FLNB: variants seen among roughly 807,000 people sequenced by gnomAD.
The protein encoded by FLNB is filamin-B.
In FLNB, 111 loss-of-function variants were observed where a neutral mutation model predicts 250.6. The ratio of observed to expected loss-of-function variants is 0.44; its 90% confidence interval spans 0.38 to 0.52. FLNB has a LOEUF of 0.52. FLNB is among the 20% of genes least tolerant of loss of function. The probability of loss-of-function intolerance (pLI) is 0.00; values close to 1 mark genes in which losing one functional copy is unlikely to be tolerated. For missense variants in FLNB, 2,869 were observed against 3,447.8 expected (o/e 0.83, Z 4.20); for synonymous variants, 1,302 against 1,372.1 (o/e 0.95, Z 1.13).
At chr3:58,136,244 C>T in intron 28 of FLNB, 76 bp downstream of exon 28, 1 of 1,451,726 alleles carries the variant, frequency 6.9e-7, no homozygotes, top group Non-Finnish European at 9.6e-7. Flanking sequence ...TTCTCTGTGA[C>T]TTACAAGCTA....
intron 42 of FLNB, among the ~76,000 whole-genome samples, chr3:58,162,365 T>C (rs1242475089): frequency 2.0e-5 from 3 of 152,130 alleles, no homozygotes; most frequent in Non-Finnish European, 4.4e-5. Context: ...ATGTTCTAGG[T>C]GCCCACTTCA....
chr3:58,166,031 TTA>T (rs1214103314), intron 43 of FLNB: 3 of 152,104 alleles, frequency 2.0e-5, no homozygotes, highest in African/African-American at 7.2e-5. Flanking sequence ...TGGACAGACT[TTA>T]TGTTTAAATC....
intron 1 of FLNB, among the ~76,000 whole-genome samples, chr3:58,067,724 G>C (rs1436701131): frequency 6.6e-6 from 1 of 151,822 alleles, no homozygotes; most frequent in Non-Finnish European, 1.5e-5. Context: ...AGCCTCCTGA[G>C]TAGCTGGGGT....
chr3:58,055,276 A>G (rs940816206), intron 1 of FLNB, among the ~76,000 whole-genome samples: 1 of 151,964 alleles, frequency 6.6e-6, no homozygotes, highest in Non-Finnish European at 1.5e-5. Context: ...TCAAAAAAAA[A>G]AAACTTACTC....
At position 58,170,557 on chromosome 3, in the gene FLNB, C is replaced by A. The variant is rs768906529; in HGVS notation, c.7622-18C>A. 6.2e-7 allele frequency: 1 copy of A among 1,613,660 alleles called. No homozygotes were observed. On this transcript the variant is annotated intron_variant, in intron 45 of 45. Coordinates refer to ENST00000295956, the MANE Select transcript of FLNB (RefSeq NM_001457.4). ...GTCCTGATGCATCCGGGTGGAGTAACCACCTTTTGCCTCCTAGGCTCCAAC... is the reference window on the plus strand; with the variant it reads ...GTCCTGATGCATCCGGGTGGAGTAAACACCTTTTGCCTCCTAGGCTCCAAC...
intron 18 of FLNB, among the ~76,000 whole-genome samples, chr3:58,112,677 G>A (rs1291984994): frequency 2.8e-4 from 43 of 152,118 alleles, no homozygotes; most frequent in Admixed American, 2.8e-3. Context: ...ACACACACAC[G>A]TGCATTCCCT....
intron 1 of FLNB, among the ~76,000 whole-genome samples, chr3:58,048,443 G>A (rs778137919): frequency 2.0e-5 from 3 of 152,180 alleles, no homozygotes; most frequent in Non-Finnish European, 4.4e-5. Context: ...CACATTCTAG[G>A]TCTGTCTGTT....
intron 41 of FLNB, among the ~76,000 whole-genome samples, chr3:58,156,472 A>G (rs978925501): frequency 6.6e-6 from 1 of 152,218 alleles, no homozygotes; most frequent in Non-Finnish European, 1.5e-5. Context: ...TTCTTCAAGA[A>G]AGTCAGTTGC....
chr3:58,108,894 T>A (rs1287950555), intron 13 of FLNB, among the ~76,000 whole-genome samples: 3 of 152,226 alleles, frequency 2.0e-5, no homozygotes, highest in Non-Finnish European at 4.4e-5. Flanking sequence ...AAAGTATGTT[T>A]ATTTAATCTA....
chr3:58,100,851 G>A (rs984506299), intron 8 of FLNB, among the ~76,000 whole-genome samples: 5 of 151,128 alleles, frequency 3.3e-5, no homozygotes, highest in Non-Finnish European at 5.9e-5. Flanking sequence ...CACCTGCCTC[G>A]GCCTCCCAAA....
chr3:58,031,759 G>T (rs1268088623), intron 1 of FLNB, among the ~76,000 whole-genome samples: 1 of 151,584 alleles, frequency 6.6e-6, no homozygotes, highest in African/African-American at 2.4e-5. Context: ...GCCCAGGCTG[G>T]TCTCGAACCC....
At chr3:58,139,315 C>T (rs1173629427) in intron 29 of FLNB, among the ~76,000 whole-genome samples, 2 of 152,178 alleles carry the variant, frequency 1.3e-5, no homozygotes, top group African/African-American at 4.8e-5. Context: ...AGACAGACAC[C>T]AAATACCATG....
At chr3:58,090,847 G>T (rs564167741) in intron 4 of FLNB, among the ~76,000 whole-genome samples, 5 of 152,062 alleles carry the variant, frequency 3.3e-5, no homozygotes, top group African/African-American at 4.8e-5. Flanking sequence ...CGAGGTGGGC[G>T]ATGGGCGGAT....
chr3:58,131,429 A>G (rs763882183), intron 25 of FLNB, among the ~76,000 whole-genome samples: 2 of 152,204 alleles, frequency 1.3e-5, no homozygotes, highest in Admixed American at 6.5e-5. Context: ...CCTTGTTGGC[A>G]GCTTGGAACT....
At chr3:58,056,446 A>G (rs1238178561) in intron 1 of FLNB, among the ~76,000 whole-genome samples, 1 of 152,008 alleles carries the variant, frequency 6.6e-6, no homozygotes, top group Non-Finnish European at 1.5e-5. Flanking sequence ...AGCCTATCAT[A>G]TCAAATACAA....
intron 26 of FLNB, among the ~76,000 whole-genome samples, chr3:58,133,446 A>G (rs968189494): frequency 6.7e-6 from 1 of 148,758 alleles, no homozygotes; most frequent in Non-Finnish European, 1.5e-5. Flanking sequence ...GGAAAAAAAA[A>G]AAAAAAAAAA....
At chr3:58,096,321 C>T in intron 6 of FLNB, 103 bp downstream of exon 6, 5 of 860,962 alleles carry the variant, frequency 5.8e-6, no homozygotes, top group South Asian at 5.7e-5. Flanking sequence ...TTCTGATTTT[C>T]CTTTCTGATT....
intron 1 of FLNB, among the ~76,000 whole-genome samples, chr3:58,033,858 CTTAT>C (rs1363069566): frequency 2.0e-5 from 3 of 151,904 alleles, no homozygotes; most frequent in Non-Finnish European, 2.9e-5. Flanking sequence ...TGGGTGGTTT[CTTAT>C]TTATTTATTT....
chr3:58,169,816 G>T lies in FLNB; in HGVS notation c.7621+23G>T. The T allele has an allele frequency of 6.6e-7, 1 of 1,516,992 alleles. No individual in the cohort carries two copies. Among genetic ancestry groups the T allele is most frequent in the Non-Finnish European group, 9.1e-7 (1 of 1,097,492 alleles). 94.0% of individuals were successfully genotyped at this position (1,516,992 alleles called of 1,614,324 possible). ...CTGGTAGGTGTCTGGGCCTTTTCAA[G>T]GGTGGGGTGGGGCAGGGGCAGGCTG... On this transcript the variant is annotated intron_variant, in intron 45 of 45. Transcript: ENST00000295956. This position sits in a 1 kb window ranked among gnomAD's most constrained non-coding sequence, Gnocchi z 4.8.
Sources: allele counts gnomAD v4.1 joint callset (sites outside exome capture counted in the v4.1 genomes callset), GRCh38; gene constraint gnomAD v4.1.1; non-coding constraint Gnocchi (gnomAD v3.1); transcripts MANE v1.5; gene names NCBI Gene and HGNC (gene_info 2026-07-23, HGNC 2026-07-21).